PAQR3: variants seen among roughly 807,000 people sequenced by gnomAD.
PAQR3 encodes Raf kinase trapping to Golgi.
Under a neutral mutation model 41.7 loss-of-function variants are expected in PAQR3, and 39 were observed. That is an observed-to-expected ratio of 0.93 (90% CI 0.72 to 1.22). PAQR3 has a LOEUF of 1.22. Ranked by LOEUF, PAQR3 falls within the 50% of genes most tolerant of loss-of-function variation. The pLI, the probability that PAQR3 is intolerant of heterozygous loss-of-function variation, is 0.00. For synonymous variants in PAQR3, 140 were observed against 140.6 expected (o/e 1.00, Z 0.03); for missense variants, 366 against 385.6 (o/e 0.95, Z 0.42).
downstream of PAQR3, chr4:78,910,830 TGAA>T (rs760311056): frequency 3.0e-4 from 486 of 1,613,978 alleles, no homozygotes; most frequent in Non-Finnish European, 3.7e-4. Context: ...AGCAAGATGA[TGAA>T]GAAGTTCTTC....
chr4:78,911,711 G>A, downstream of PAQR3: 1 of 1,613,964 alleles, frequency 6.2e-7, no homozygotes, highest in Non-Finnish European at 8.5e-7. Flanking sequence ...GGGAAAGATA[G>A]GGGGAATGTC....
chr4:78,921,902 C>A (rs1219013720), intron 5 of PAQR3: 1 of 984,932 alleles, frequency 1.0e-6, no homozygotes. Flanking sequence ...CTACATAGGG[C>A]ACATTTTATG....
At chr4:78,933,728 T>A (rs1024334730) in intron 2 of PAQR3, among the ~76,000 whole-genome samples, 2 of 152,216 alleles carry the variant, frequency 1.3e-5, no homozygotes, top group Non-Finnish European at 2.9e-5. Flanking sequence ...GGTCTGTTTC[T>A]TTATTGGAAA....
chr4:78,894,432 T>A (rs1046854883), intron 11 of PAQR3, among the ~76,000 whole-genome samples: 1 of 152,236 alleles, frequency 6.6e-6, no homozygotes, highest in East Asian at 1.9e-4. Context: ...TGTACTTACA[T>A]GTTCTGGAGA....
intron 11 of PAQR3, among the ~76,000 whole-genome samples, chr4:78,893,725 C>T (rs1733559989): frequency 6.6e-6 from 1 of 152,106 alleles, no homozygotes; most frequent in East Asian, 1.9e-4. Flanking sequence ...ACAACACCTG[C>T]GAAATTCTTT....
intron 11 of PAQR3, among the ~76,000 whole-genome samples, chr4:78,890,835 G>A (rs1733394460): frequency 6.6e-6 from 1 of 151,990 alleles, no homozygotes; most frequent in South Asian, 2.1e-4. Context: ...CCTTTTTCTT[G>A]GTTTGTTAGT....
Position 78,916,717 on chromosome 4 carries a change from TA to T in PAQR3, c.*3821del, listed in dbSNP as rs1418689226. 1.3e-5 allele frequency: 2 copies of T among 151,904 alleles called. No individual in the cohort carries two copies. Among genetic ancestry groups the T allele is most frequent in the Non-Finnish European group, 2.9e-5 (2 of 67,844 alleles). The allele number at this position is 151,904 out of a possible 1,614,324, so 9.4% of individuals were successfully genotyped here. A position where few individuals can be genotyped will look rare whatever the true frequency, so the allele number is the denominator to read the frequency against. ...TTACAGCTTCCACATTATAAATTTT[TA>T]AAAATCTTTAAAACTGATAACATCT... On this transcript the variant is annotated 3_prime_UTR_variant, in exon 6 of 6. Transcript: ENST00000512733.
Position 78,920,059 on chromosome 4 carries a change from T to C in PAQR3, c.*480A>G. On this transcript the variant is annotated 3_prime_UTR_variant, in exon 6 of 6. Coordinates refer to ENST00000512733, the MANE Select transcript of PAQR3 (RefSeq NM_001040202.2). ...CAAATCATTTTAGTGATTATTTAAA[T>C]CTAGTGATTTTAGTGATTATTTAAA... is the stretch of plus-strand genomic sequence containing the variant. 4 of 984,906 alleles carry C rather than the reference T, an allele frequency of 4.1e-6. No individual in the cohort carries two copies. Among genetic ancestry groups the C allele is most frequent in the Non-Finnish European group, 4.8e-6 (4 of 829,150 alleles). The allele number at this position is 984,906 out of a possible 1,614,324, so 61.0% of individuals were successfully genotyped here.
intron 3 of PAQR3, among the ~76,000 whole-genome samples, chr4:78,928,169 G>C (rs1231857844): frequency 6.6e-6 from 1 of 152,162 alleles, no homozygotes; most frequent in Admixed American, 6.5e-5. Context: ...ACAGAAAACA[G>C]TTTCAGAGAA....
chr4:78,908,439 T>C (rs1734394987), downstream of PAQR3, among the ~76,000 whole-genome samples: 1 of 152,222 alleles, frequency 6.6e-6, no homozygotes, highest in Admixed American at 6.5e-5. Flanking sequence ...CTTTGTAGTT[T>C]GTTTTGTATG....
chr4:78,888,742 C>T (rs1013951319), intron 11 of PAQR3, among the ~76,000 whole-genome samples: 5 of 152,114 alleles, frequency 3.3e-5, no homozygotes, highest in Non-Finnish European at 5.9e-5. Flanking sequence ...TAACTGTTTA[C>T]TATGGGTATT....
Position 78,913,537 on chromosome 4 carries a change from T to C in PAQR3, c.*7002A>G, listed in dbSNP as rs983253778. 2 of 152,092 alleles carry C rather than the reference T, an allele frequency of 1.3e-5. No individual in the cohort carries two copies. The highest frequency in any genetic ancestry group is 2.9e-5 in the Non-Finnish European group (2 of 67,980). The allele number at this position is 152,092 out of a possible 1,614,324, so 9.4% of individuals were successfully genotyped here. On this transcript the variant is annotated 3_prime_UTR_variant, in exon 6 of 6. Transcript: ENST00000512733. ...AGTTAATGCTATTTACAGAAAGGAGTAGAAACTCATCAACTGGCACTCTCT... is the reference window on the plus strand; with the variant it reads ...AGTTAATGCTATTTACAGAAAGGAGCAGAAACTCATCAACTGGCACTCTCT...
chr4:78,935,383 C>T, intron 1 of PAQR3, 100 bp from the exon 2 acceptor site: 3 of 932,022 alleles, frequency 3.2e-6, no homozygotes, highest in East Asian at 5.3e-5. Flanking sequence ...AATACTTGCT[C>T]CTTTAAGCTC....
chr4:78,891,834 A>G (rs1387879171), intron 11 of PAQR3, among the ~76,000 whole-genome samples: 1 of 152,152 alleles, frequency 6.6e-6, no homozygotes, highest in Admixed American at 6.5e-5. Flanking sequence ...TGCTTATTAG[A>G]TACAGTGTTT....
At chr4:78,921,537 G>T in intron 5 of PAQR3, 1 of 458,858 alleles carries the variant, frequency 2.2e-6, no homozygotes, top group Non-Finnish European at 2.9e-6. Context: ...GAAGCCTACA[G>T]ACCCATTTTT....
chr4:78,907,914 T>C (rs1734369058), downstream of PAQR3, among the ~76,000 whole-genome samples: 1 of 152,180 alleles, frequency 6.6e-6, no homozygotes, highest in Non-Finnish European at 1.5e-5. Flanking sequence ...CGTTAAACGT[T>C]TCACAGTCAG....
chr4:78,918,170 T>C lies in PAQR3; in HGVS notation c.*2369A>G, dbSNP rs1735274038. The C allele has an allele frequency of 1.1e-6, 1 of 947,942 alleles. No individual in the cohort carries two copies. The highest frequency in any genetic ancestry group is 4.9e-5 in the South Asian group (1 of 20,552). 58.7% of individuals were successfully genotyped at this position (947,942 alleles called of 1,614,324 possible). A position where few individuals can be genotyped will look rare whatever the true frequency, so the allele number is the denominator to read the frequency against. On this transcript the variant is annotated 3_prime_UTR_variant, in exon 6 of 6. Coordinates refer to ENST00000512733, the MANE Select transcript of PAQR3 (RefSeq NM_001040202.2). ...TGTAAAATCTGTAGGCAAAAAGCTT[T>C]TATAGTTCACACATTGGTAAAATTA... is the stretch of plus-strand genomic sequence containing the variant.
Position 78,920,397 on chromosome 4 carries a change from C to CT in PAQR3, c.*141dup, listed in dbSNP as rs539049858. 0.073 allele frequency: 95,409 copies of CT among 1,299,962 alleles called. 4,769 individuals carry two copies. The highest frequency in any genetic ancestry group is 0.24 in the African/African-American group (15,414 of 65,150). 80.5% of individuals were successfully genotyped at this position (1,299,962 alleles called of 1,614,324 possible). On this transcript the variant is annotated 3_prime_UTR_variant, in exon 6 of 6. Transcript: ENST00000512733. Reference sequence around the variant, plus strand: ...TTATTACTACAGATCCTTAAGTATACTTTTTTTCCCATTTTTATAAAGCAT... The same window carrying CT: ...TTATTACTACAGATCCTTAAGTATACTTTTTTTTCCCATTTTTATAAAGCAT...
rs773389507 is a variant in PAQR3, at chr4:78,918,150, A to G, written c.*2389T>C. The G allele has an allele frequency of 3.1e-6, 3 of 961,816 alleles. No homozygotes were observed. The highest frequency in any genetic ancestry group is 3.7e-6 in the Non-Finnish European group (3 of 808,204). 59.6% of individuals were successfully genotyped at this position (961,816 alleles called of 1,614,324 possible). On this transcript the variant is annotated 3_prime_UTR_variant, in exon 6 of 6. Transcript: ENST00000512733. The stretch of plus-strand genomic sequence containing the variant: ...AGCCATAGATAATTTTAAAATGTAA[A>G]ATCTGTAGGCAAAAAGCTTTTATAG...
Sources: allele counts gnomAD v4.1 joint callset (sites outside exome capture counted in the v4.1 genomes callset), GRCh38; gene constraint gnomAD v4.1.1; transcripts MANE v1.5; gene names NCBI Gene and HGNC (gene_info 2026-07-23, HGNC 2026-07-21).